Variants in RNLS observed in about 807,000 individuals in gnomAD.
RNLS encodes the protein renalase.
Under a neutral mutation model 39.8 loss-of-function variants are expected in RNLS, and 39 were observed. The ratio of observed to expected loss-of-function variants is 0.98; its 90% confidence interval spans 0.76 to 1.28. The LOEUF is 1.28. Among genes scored for constraint, RNLS ranks in the 50% most tolerant of loss-of-function variants. The pLI is 0.00. For missense variants in RNLS, 410 were observed against 413.3 expected, an observed-to-expected ratio of 0.99 and a Z score of 0.07; for synonymous variants, 147 against 150.7, an observed-to-expected ratio of 0.98 and a Z score of 0.18.
intron 5 of RNLS, among the ~76,000 whole-genome samples, chr10:88,351,018 C>T (rs978283276): frequency 2.0e-5 from 3 of 152,174 alleles, no homozygotes; most frequent in African/African-American, 7.2e-5. Flanking sequence ...CTGCTGGCTG[C>T]ACAAATGTCT....
intron 4 of RNLS, among the ~76,000 whole-genome samples, chr10:88,449,205 A>G (rs1842222998): frequency 6.6e-6 from 1 of 152,188 alleles, no homozygotes; most frequent in African/African-American, 2.4e-5. Flanking sequence ...ACTAATAAGC[A>G]CAAAATGTCC....
chr10:88,350,117 C>T (rs929502592), intron 5 of RNLS, among the ~76,000 whole-genome samples: 1 of 151,754 alleles, frequency 6.6e-6, no homozygotes, highest in Non-Finnish European at 1.5e-5. Context: ...CTCTCCTTTT[C>T]CCTTCTTCTC....
intron 4 of RNLS, among the ~76,000 whole-genome samples, chr10:88,507,136 A>G (rs1200994931): frequency 5.3e-5 from 8 of 152,156 alleles, no homozygotes; most frequent in Non-Finnish European, 1.2e-4. Flanking sequence ...GCCAATGGCC[A>G]AGTTGCATGA....
chr10:88,258,482 A>G, the RNLS span, among the ~76,000 whole-genome samples: 1 of 152,186 alleles, frequency 6.6e-6, no homozygotes, highest in Non-Finnish European at 1.5e-5. Flanking sequence ...CAAGACTATA[A>G]AAAGAGGATT....
chr10:88,387,587 G>A (rs792232), intron 4 of RNLS, among the ~76,000 whole-genome samples: 135,087 of 151,042 alleles, frequency 0.89, 60,607 homozygotes, highest in Non-Finnish European at 0.92. Flanking sequence ...GCCTATTTAC[G>A]TAACTGCTTA....
chr10:88,271,897 AC>A (rs1842659801), downstream of RNLS, among the ~76,000 whole-genome samples: 2 of 152,230 alleles, frequency 1.3e-5, no homozygotes, highest in African/African-American at 4.8e-5. Context: ...TAACTCTGCC[AC>A]GAAGGCCAGG....
chr10:88,582,605 C>G (rs568786423), intron 1 of RNLS, among the ~76,000 whole-genome samples: 1 of 152,228 alleles, frequency 6.6e-6, no homozygotes, highest in African/African-American at 2.4e-5. Flanking sequence ...TTCATACAGT[C>G]AATCTTCATG....
chr10:88,207,906 C>T, the RNLS span, among the ~76,000 whole-genome samples: 1 of 152,232 alleles, frequency 6.6e-6, no homozygotes, highest in Non-Finnish European at 1.5e-5. Context: ...TTAGGACTTC[C>T]CTGCTTTTGA....
the RNLS span, among the ~76,000 whole-genome samples, chr10:88,179,825 A>G: frequency 2.0e-5 from 3 of 152,210 alleles, no homozygotes; most frequent in African/African-American, 4.8e-5. Flanking sequence ...TATGTCTTTT[A>G]ATTATTAAAT....
the RNLS span, among the ~76,000 whole-genome samples, chr10:88,199,894 T>G: frequency 0.14 from 20,727 of 152,202 alleles, 1,703 homozygotes; most frequent in Middle Eastern, 0.19. Flanking sequence ...TTTGGGAAAC[T>G]AAGGCAGGAG....
intron 5 of RNLS, among the ~76,000 whole-genome samples, chr10:88,323,275 A>C (rs1384636401): frequency 6.6e-6 from 1 of 152,046 alleles, no homozygotes; most frequent in Non-Finnish European, 1.5e-5. Flanking sequence ...CAGAATTAGA[A>C]AAAAACAATT....
At chr10:88,192,374 A>G in the RNLS span, among the ~76,000 whole-genome samples, 1 of 152,184 alleles carries the variant, frequency 6.6e-6, no homozygotes, top group Admixed American at 6.6e-5. Context: ...GTACCCATGA[A>G]ATGTTGGTAG....
chr10:88,395,032 G>T (rs908626965), intron 4 of RNLS, among the ~76,000 whole-genome samples: 1 of 151,930 alleles, frequency 6.6e-6, no homozygotes, highest in Admixed American at 6.6e-5. Context: ...ATCACACACC[G>T]GGGACTGTTG....
chr10:88,291,723 C>T (rs546806822), intron 6 of RNLS, among the ~76,000 whole-genome samples: 1 of 152,194 alleles, frequency 6.6e-6, no homozygotes, highest in East Asian at 1.9e-4. Flanking sequence ...TCTCCTTTCC[C>T]ATTAAATTAC....
At chr10:88,510,185 C>T (rs910643271) in intron 4 of RNLS, among the ~76,000 whole-genome samples, 4 of 151,844 alleles carry the variant, frequency 2.6e-5, no homozygotes, top group African/African-American at 4.8e-5. Context: ...TAGAATAGCA[C>T]GGTGTATATA....
chr10:88,508,519 T>C (rs1057215321), intron 4 of RNLS, among the ~76,000 whole-genome samples: 2 of 152,186 alleles, frequency 1.3e-5, no homozygotes, highest in South Asian at 2.1e-4. Context: ...CAGTGTTTGG[T>C]ATAATTCTAA....
intron 6 of RNLS, among the ~76,000 whole-genome samples, chr10:88,313,152 G>GACAA (rs1324696328): frequency 6.6e-6 from 1 of 152,094 alleles, no homozygotes; most frequent in African/African-American, 2.4e-5. Context: ...TTGTGGTTAG[G>GACAA]ACAAATCTAT....
intron 5 of RNLS, among the ~76,000 whole-genome samples, chr10:88,344,939 G>A (rs2133242900): frequency 6.6e-6 from 1 of 152,082 alleles, no homozygotes; most frequent in East Asian, 1.9e-4. Context: ...TCAATGTCCT[G>A]TACAGTACAT....
chr10:88,560,157 C>T (rs1286978903), intron 4 of RNLS, among the ~76,000 whole-genome samples: 1 of 151,728 alleles, frequency 6.6e-6, no homozygotes, highest in East Asian at 1.9e-4. Flanking sequence ...TGAAAAAGGG[C>T]CTAAAGTAGG....
Sources: allele counts gnomAD v4.1 joint callset (sites outside exome capture counted in the v4.1 genomes callset), GRCh38; gene constraint gnomAD v4.1.1; transcripts MANE v1.5; gene names NCBI Gene and HGNC (gene_info 2026-07-23, HGNC 2026-07-21).